The following TEX9 variants were observed in gnomAD, a reference collection of about 807,000 sequenced individuals.
TEX9 encodes testis expressed 9, also known as testis-expressed protein 9.
In TEX9, 74 loss-of-function variants were observed where a neutral mutation model predicts 59.6. That is an observed-to-expected ratio of 1.24 (90% CI 1.03 to 1.51). TEX9 has a LOEUF of 1.51. Among genes scored for constraint, TEX9 ranks in the 40% most tolerant of loss-of-function variants. The pLI, the probability that TEX9 is intolerant of heterozygous loss-of-function variation, is 0.00. For synonymous variants in TEX9, 186 were observed against 152.2 expected (o/e 1.22, Z -1.64); for missense variants, 522 against 447.8 (o/e 1.17, Z -1.49).
At chr15:56,358,906 G>A (rs1041818025) in intron 1 of TEX9, among the ~76,000 whole-genome samples, 6 of 152,050 alleles carry the variant, frequency 3.9e-5, no homozygotes, top group Admixed American at 3.3e-4. Flanking sequence ...CTGCCGCCAC[G>A]TAAGACATGC....
chr15:56,393,341 T>C (rs1388197063), intron 7 of TEX9, among the ~76,000 whole-genome samples: 1 of 152,164 alleles, frequency 6.6e-6, no homozygotes, highest in Non-Finnish European at 1.5e-5. Flanking sequence ...AGCTCCATGA[T>C]AACACTGAGG....
At chr15:56,389,141 T>C (rs1203299548) in intron 5 of TEX9, among the ~76,000 whole-genome samples, 177 bp from the exon 6 acceptor site, 1 of 152,074 alleles carries the variant, frequency 6.6e-6, no homozygotes, top group Non-Finnish European at 1.5e-5. Flanking sequence ...TTTGGTGTTA[T>C]CTAGGTCTTT....
intron 1 of TEX9, among the ~76,000 whole-genome samples, chr15:56,332,456 C>G (rs1304721604): frequency 2.3e-5 from 3 of 130,586 alleles, no homozygotes; most frequent in African/African-American, 8.9e-5. Flanking sequence ...ATATCACACT[C>G]TGGGGACTGT....
chr15:56,446,707 A>T (rs746914425), downstream of TEX9: 25 of 631,960 alleles, frequency 4.0e-5, no homozygotes, highest in Non-Finnish European at 6.1e-5. Flanking sequence ...CATCTTAAGG[A>T]TCTGAAAATT....
At chr15:56,422,809 T>C (rs917575496) in intron 10 of TEX9, among the ~76,000 whole-genome samples, 1 of 152,032 alleles carries the variant, frequency 6.6e-6, no homozygotes, top group Non-Finnish European at 1.5e-5. Flanking sequence ...ACTCCCCATT[T>C]CCACCTCCCT....
intron 1 of TEX9, among the ~76,000 whole-genome samples, chr15:56,256,724 A>G (rs4392004): frequency 0.073 from 11,085 of 152,016 alleles, 480 homozygotes; most frequent in Non-Finnish European, 0.1. Flanking sequence ...AGATTTTGAA[A>G]AGTTTGAGGT....
At chr15:56,444,729 G>T in intron 12 of TEX9, 2 of 1,365,352 alleles carry the variant, frequency 1.5e-6, no homozygotes, top group Middle Eastern at 1.9e-4. Context: ...TAGTACGATA[G>T]TATATTTTAC....
At chr15:56,303,300 T>C (rs1213859920) in intron 1 of TEX9, among the ~76,000 whole-genome samples, 5 of 152,234 alleles carry the variant, frequency 3.3e-5, no homozygotes, top group East Asian at 1.9e-4. Flanking sequence ...ATAGACCATA[T>C]GTTAGGCCAC....
intron 1 of TEX9, among the ~76,000 whole-genome samples, chr15:56,268,924 G>A (rs1193706548): frequency 6.6e-6 from 1 of 151,958 alleles, no homozygotes; most frequent in African/African-American, 2.4e-5. Context: ...TTGTACCTCT[G>A]GTAGAATTTG....
intron 1 of TEX9, among the ~76,000 whole-genome samples, chr15:56,339,369 C>A (rs2046320685): frequency 5.1e-5 from 5 of 98,074 alleles, no homozygotes; most frequent in East Asian, 2.9e-4. Context: ...GGTGTCAGAG[C>A]AAGACTCCTT....
intron 1 of TEX9, among the ~76,000 whole-genome samples, chr15:56,339,168 A>C (rs781331569): frequency 4.6e-5 from 7 of 151,676 alleles, no homozygotes; most frequent in Non-Finnish European, 1.0e-4. Flanking sequence ...GGATCACCTG[A>C]GGTCAGGAGT....
At chr15:56,251,681 G>C (rs2044022577) in intron 1 of TEX9, among the ~76,000 whole-genome samples, 1 of 152,010 alleles carries the variant, frequency 6.6e-6, no homozygotes, top group African/African-American at 2.4e-5. Flanking sequence ...GAGCTCAGAG[G>C]GCTTAAAGAA....
At chr15:56,417,979 G>T (rs1216490837) in intron 10 of TEX9, among the ~76,000 whole-genome samples, 1 of 151,574 alleles carries the variant, frequency 6.6e-6, no homozygotes, top group Non-Finnish European at 1.5e-5. Context: ...GAAACGTTTT[G>T]TCTGAAATTA....
intron 1 of TEX9, among the ~76,000 whole-genome samples, chr15:56,257,540 C>G (rs1324011043): frequency 6.6e-6 from 1 of 152,092 alleles, no homozygotes; most frequent in Non-Finnish European, 1.5e-5. Context: ...CTCTTATGAT[C>G]AGTGATGTTG....
chr15:56,412,085 A>G (rs2140140548), intron 9 of TEX9, among the ~76,000 whole-genome samples: 1 of 152,196 alleles, frequency 6.6e-6, no homozygotes, highest in Non-Finnish European at 1.5e-5. Context: ...TCACAACTAC[A>G]TTTTTTAGGA....
intron 1 of TEX9, among the ~76,000 whole-genome samples, chr15:56,260,233 CT>C (rs1210327699): frequency 1.3e-5 from 2 of 151,946 alleles, no homozygotes; most frequent in African/African-American, 4.8e-5. Context: ...TCTTTCATGC[CT>C]TGTGGCACTG....
upstream of TEX9, among the ~76,000 whole-genome samples, chr15:56,364,446 C>A (rs1276706599): frequency 6.0e-5 from 9 of 151,070 alleles, no homozygotes; most frequent in Admixed American, 6.0e-4. Context: ...AGCCTCTGTG[C>A]CCAGCCTCTT....
At chr15:56,366,154 C>A (rs1014379399) in intron 2 of TEX9, among the ~76,000 whole-genome samples, 2 of 152,190 alleles carry the variant, frequency 1.3e-5, no homozygotes, top group South Asian at 2.1e-4. Context: ...AGTGTAATTA[C>A]AACTATCCTG....
chr15:56,293,774 T>C (rs1373053119), intron 1 of TEX9, among the ~76,000 whole-genome samples: 1 of 152,206 alleles, frequency 6.6e-6, no homozygotes, highest in African/African-American at 2.4e-5. Context: ...GCCATGTGTG[T>C]CTCACATTGT....
Sources: gnomAD v4.1 joint callset for allele counts (sites outside exome capture counted in the v4.1 genomes callset) on GRCh38, gnomAD v4.1.1 for gene constraint, MANE v1.5 for transcripts, NCBI Gene and HGNC (gene_info 2026-07-23, HGNC 2026-07-21) for gene names.